The following SLC35D1 variants were observed in gnomAD, a reference collection of about 807,000 sequenced individuals.
SLC35D1 encodes the protein nucleotide sugar transporter SLC35D1.
Under a neutral mutation model 46.7 loss-of-function variants are expected in SLC35D1, and 31 were observed. The observed-to-expected ratio is 0.66, with a 90% CI of 0.50 to 0.90. The LOEUF (loss-of-function observed/expected upper bound fraction) is 0.90, where lower values mean the gene tolerates loss of function less well. Among genes scored for constraint, SLC35D1 ranks in the 40% least tolerant of loss-of-function variants. The pLI is 0.00. For missense variants in SLC35D1, 397 were observed against 426.2 expected (o/e 0.93, Z 0.60); for synonymous variants, 195 against 164.6 (o/e 1.18, Z -1.41).
intron 8 of SLC35D1, among the ~76,000 whole-genome samples, chr1:67,037,245 A>G (rs990234494): frequency 6.6e-6 from 1 of 152,288 alleles, no homozygotes; most frequent in Middle Eastern, 3.4e-3. Context: ...GTCACAGTGT[A>G]TAAGTAGATA....
downstream of SLC35D1, among the ~76,000 whole-genome samples, chr1:66,994,763 T>C (rs1235182979): frequency 6.6e-6 from 1 of 152,018 alleles, no homozygotes; most frequent in Non-Finnish European, 1.5e-5. Flanking sequence ...TCAAATAATG[T>C]TCTGGAAACT....
intron 7 of SLC35D1, among the ~76,000 whole-genome samples, chr1:67,045,006 A>C (rs1387858769): frequency 6.6e-6 from 1 of 152,158 alleles, no homozygotes; most frequent in Non-Finnish European, 1.5e-5. Context: ...CATCAGTGTA[A>C]AGGTGTGCCT....
At chr1:67,021,748 C>A in intron 8 of SLC35D1, 146 bp from the exon 9 acceptor site, 2 of 714,836 alleles carry the variant, frequency 2.8e-6, no homozygotes, top group Non-Finnish European at 5.0e-6. Flanking sequence ...CACACACACA[C>A]ACACACACAC....
intron 8 of SLC35D1, among the ~76,000 whole-genome samples, chr1:67,030,378 T>G (rs1439887033): frequency 6.6e-6 from 1 of 152,166 alleles, no homozygotes; most frequent in Non-Finnish European, 1.5e-5. Context: ...TATCCCAAAG[T>G]CATTAAGAAT....
chr1:67,051,410 A>G (rs1645306785), intron 4 of SLC35D1, among the ~76,000 whole-genome samples: 1 of 152,244 alleles, frequency 6.6e-6, no homozygotes, highest in Non-Finnish European at 1.5e-5. Flanking sequence ...GTACACTACA[A>G]TAAGAGCAGA....
intron 8 of SLC35D1, among the ~76,000 whole-genome samples, chr1:67,041,006 T>C (rs1668231822): frequency 6.6e-6 from 1 of 152,198 alleles, no homozygotes; most frequent in African/African-American, 2.4e-5. Context: ...TCCCCAATAG[T>C]ATGACACTGG....
chr1:67,026,071 C>T (rs1302235498), intron 8 of SLC35D1, among the ~76,000 whole-genome samples: 1 of 152,162 alleles, frequency 6.6e-6, no homozygotes, highest in Non-Finnish European at 1.5e-5. Flanking sequence ...TGAGTACAGA[C>T]ATCCTCGCCT....
At chr1:67,031,187 T>G (rs6679407) in intron 8 of SLC35D1, among the ~76,000 whole-genome samples, 1 of 152,174 alleles carries the variant, frequency 6.6e-6, no homozygotes, top group Non-Finnish European at 1.5e-5. Context: ...ATAATTCTCA[T>G]GGGACTTTTT....
chr1:67,052,728 T>C, intron 3 of SLC35D1, 43 bp downstream of exon 3: 2 of 1,595,784 alleles, frequency 1.3e-6, no homozygotes, highest in African/African-American at 1.3e-5. Flanking sequence ...TAATACATAC[T>C]GACTTCATTT....
At chr1:66,989,790 G>T in the SLC35D1 span, among the ~76,000 whole-genome samples, 1 of 152,136 alleles carries the variant, frequency 6.6e-6, no homozygotes, top group Non-Finnish European at 1.5e-5. Context: ...GAAAACATAC[G>T]GGCCTTAAAT....
At chr1:67,019,768 C>T (rs190327917) in intron 10 of SLC35D1, among the ~76,000 whole-genome samples, 1 of 152,326 alleles carries the variant, frequency 6.6e-6, no homozygotes, top group East Asian at 1.9e-4. Context: ...ACTAGAATCA[C>T]AAAGTCAGAT....
In SLC35D1 at chr1:67,042,304, A is replaced by G; in HGVS notation, c.661T>C (p.Tyr221His). 1 of 1,614,184 alleles carries G rather than the reference A, an allele frequency of 6.2e-7. No homozygotes were observed. The highest frequency in any genetic ancestry group is 1.1e-5 in the South Asian group (1 of 91,090). The stretch of plus-strand genomic sequence containing the variant: ...AGAATCATGAACAGTGCATTGTAAT[A>G]GAGCAGTCCATATTTTCCCAGCTCC... Reference protein sequence around the residue: ...SKELGKYGLLYYNALFMILPT... With the variant: ...SKELGKYGLLHYNALFMILPT... The change falls in exon 8 of 12, where the codon TAT becomes CAT. Residue 221 changes from tyrosine to histidine, a missense_variant. Coordinates refer to ENST00000235345, the MANE Select transcript of SLC35D1 (RefSeq NM_015139.3).
chr1:67,007,848 A>G (rs893838147), intron 11 of SLC35D1, among the ~76,000 whole-genome samples: 2 of 152,200 alleles, frequency 1.3e-5, no homozygotes, highest in African/African-American at 4.8e-5. Context: ...AGGATCTTCT[A>G]CTACTTCAAA....
chr1:67,004,176 T>G lies in SLC35D1; in HGVS notation c.*164A>C, dbSNP rs552239947. ...ATAGAGTCAATTATAAGTTTCTCTC[T>G]TCATAAAATTTTAAAAGGCAGCAAT... On this transcript the variant is annotated 3_prime_UTR_variant, in exon 12 of 12. Transcript: ENST00000235345. 62 of 656,084 alleles carry G rather than the reference T, an allele frequency of 9.5e-5. No homozygotes were observed. The African/African-American group carries it at 1.0e-3, about 11-fold the overall frequency. The allele number at this position is 656,084 out of a possible 1,614,324, so 40.6% of individuals were successfully genotyped here.
downstream of SLC35D1, among the ~76,000 whole-genome samples, chr1:66,998,264 G>A (rs1344881434): frequency 6.6e-6 from 1 of 152,076 alleles, no homozygotes; most frequent in African/African-American, 2.4e-5. Flanking sequence ...GGAGGCAGGT[G>A]GATCACCTGA....
In SLC35D1 at chr1:67,052,057, T is replaced by C. The variant is rs981331693; in HGVS notation, c.347A>G (p.Tyr116Cys). 12 of 1,609,776 alleles carry C rather than the reference T, an allele frequency of 7.5e-6. No individual in the cohort carries two copies. Among genetic ancestry groups the C allele is most frequent in the South Asian group, 1.1e-5 (1 of 91,020 alleles). ...PRKTFPLPLL[Y>C]FGNQITGLFS... ...CAGTCCCGTGATTTGGTTCCCAAAA[T>C]ATAGTAGAGGTAGTGGAAACGTCTA... The change falls in exon 4 of 12, where the codon TAT (tyrosine) becomes TGT (cysteine). Residue 116 changes from tyrosine to cysteine, a missense_variant. By Grantham distance (194) the Tyr-to-Cys change is radical. Transcript: ENST00000235345.
intron 8 of SLC35D1, among the ~76,000 whole-genome samples, chr1:67,038,171 G>C (rs991439933): frequency 2.6e-5 from 4 of 152,142 alleles, no homozygotes; most frequent in Admixed American, 2.6e-4. Flanking sequence ...AAAACAGAAG[G>C]AATCTGTCTC....
chr1:67,051,346 T>C (rs1645306291), intron 4 of SLC35D1, among the ~76,000 whole-genome samples: 2 of 152,228 alleles, frequency 1.3e-5, no homozygotes, highest in African/African-American at 4.8e-5. Context: ...CCATGGGGTT[T>C]CTGTTAAATG....
At chr1:66,993,272 G>A in the SLC35D1 span, among the ~76,000 whole-genome samples, 2 of 152,258 alleles carry the variant, frequency 1.3e-5, no homozygotes, top group South Asian at 4.1e-4. Flanking sequence ...TCTACGCACT[G>A]GAACTTCCAG....
Sources: allele counts gnomAD v4.1 joint callset (sites outside exome capture counted in the v4.1 genomes callset), GRCh38; gene constraint gnomAD v4.1.1; transcripts MANE v1.5; gene names NCBI Gene and HGNC (gene_info 2026-07-23, HGNC 2026-07-21).